RBFOX1: variants seen among roughly 807,000 people sequenced by gnomAD.
RBFOX1 encodes RNA binding fox-1 homolog 1.
In RBFOX1, 8 loss-of-function variants were observed where a neutral mutation model predicts 57.7. That is an observed-to-expected ratio of 0.14 (90% CI 0.08 to 0.25). The LOEUF is 0.25. Among genes scored for constraint, RBFOX1 ranks in the 10% least tolerant of loss-of-function variants. The probability of loss-of-function intolerance (pLI) is 1.00; values close to 1 mark genes in which losing one functional copy is unlikely to be tolerated. For missense variants in RBFOX1, 611 were observed against 548.5 expected, an observed-to-expected ratio of 1.11 and a Z score of -1.14; for synonymous variants, 326 against 222.4, an observed-to-expected ratio of 1.47 and a Z score of -4.15.
rs186123963 is a variant in RBFOX1 at position 6,533,356 on chromosome 16, G to A, written c.-63-121247G>A. Among the ~76,000 whole-genome samples the A allele has an allele frequency of 8.5e-5, 13 of 152,296 alleles. No homozygotes were observed. In the East Asian group the frequency reaches 2.3e-3, roughly 27 times the overall value. On this transcript the variant is annotated intron_variant, in intron 2 of 15. Transcript: ENST00000550418. ...CCTGGCTCAGAAAATAGACAAAAGG[G>A]ATGAAGGTACCATTAGGATCCCTGG...
chr16:7,523,616 A>G (rs1478841335), intron 5 of RBFOX1, among the ~76,000 whole-genome samples: 1 of 152,158 alleles, frequency 6.6e-6, no homozygotes, highest in African/African-American at 2.4e-5. Context: ...TAGAGGTAGG[A>G]TTTTAAAGGA....
chr16:6,977,205 A>T (rs2087242814), intron 3 of RBFOX1, among the ~76,000 whole-genome samples: 1 of 118,182 alleles, frequency 8.5e-6, no homozygotes. Flanking sequence ...TATATGTTTT[A>T]TCATATATAT....
intron 3 of RBFOX1, among the ~76,000 whole-genome samples, chr16:6,738,335 C>T (rs1254007512): frequency 6.6e-6 from 1 of 151,974 alleles, no homozygotes; most frequent in Non-Finnish European, 1.5e-5. Context: ...CTGGAGTACT[C>T]CCTGTATTGA....
At chr16:5,517,935 T>C (rs954304062) in intron 2 of RBFOX1, among the ~76,000 whole-genome samples, 7 of 150,240 alleles carry the variant, frequency 4.7e-5, no homozygotes, top group African/African-American at 1.7e-4. Flanking sequence ...AGCTACTGTG[T>C]GTGTGTGTGT....
chr16:7,309,138 C>T (rs1292653726), intron 4 of RBFOX1, among the ~76,000 whole-genome samples: 2 of 152,202 alleles, frequency 1.3e-5, no homozygotes, highest in Non-Finnish European at 1.5e-5. Context: ...AGAAAGGTCC[C>T]TCAGTCTCTT....
In RBFOX1 at chr16:5,412,167, C is replaced by G. The variant is rs567924517; in HGVS notation, c.220-55049C>G. Among the ~76,000 whole-genome samples the G allele has an allele frequency of 2.6e-4, 39 of 152,098 alleles. 1 individual carries two copies. Among genetic ancestry groups the G allele is most frequent in the Admixed American group, 2.3e-3 (35 of 15,286 alleles). ...CAAACGCCCAGGTTCTGGACCCACA[C>G]AGACCTGGGTTTGAACCCTGGCCAG... On this transcript the variant is annotated intron_variant, in intron 1 of 2. Coordinates refer to the RBFOX1 transcript ENST00000585867.
At chr16:6,839,907 T>C (rs192299318) in intron 3 of RBFOX1, among the ~76,000 whole-genome samples, 1 of 152,324 alleles carries the variant, frequency 6.6e-6, no homozygotes. Flanking sequence ...TTCTTAACTT[T>C]CAATTGCATT....
chr16:5,656,609 T>A (rs1482382542), intron 3 of RBFOX1, among the ~76,000 whole-genome samples: 1 of 152,228 alleles, frequency 6.6e-6, no homozygotes, highest in African/African-American at 2.4e-5. Context: ...TAATTGTTAA[T>A]ATTTTTAGTT....
At chr16:5,255,366 A>C (rs577700357) in intron 1 of RBFOX1, among the ~76,000 whole-genome samples, 114 of 147,474 alleles carry the variant, frequency 7.7e-4, no homozygotes, top group African/African-American at 2.4e-3. Context: ...CCATCCATCC[A>C]TCCATCCATC....
At chr16:5,974,351 G>A (rs150660696) in intron 4 of RBFOX1, among the ~76,000 whole-genome samples, 2 of 152,330 alleles carry the variant, frequency 1.3e-5, no homozygotes, top group East Asian at 3.9e-4. Flanking sequence ...GCTCACACCT[G>A]TAATCCCAGC....
At chr16:5,753,923 G>A (rs11866983) in intron 3 of RBFOX1, among the ~76,000 whole-genome samples, 48,533 of 151,532 alleles carry the variant, frequency 0.32, 8,099 homozygotes, top group East Asian at 0.57. Context: ...ACAGGATTCT[G>A]TGTCCATCCC....
chr16:5,668,204 C>T (rs1048737841), intron 3 of RBFOX1, among the ~76,000 whole-genome samples: 2 of 152,038 alleles, frequency 1.3e-5, no homozygotes, highest in African/African-American at 4.8e-5. Context: ...TTGTTTGAAC[C>T]CGGGAGGCGG....
At chr16:6,583,026 C>G (rs8043913) in intron 2 of RBFOX1, among the ~76,000 whole-genome samples, 1 of 129,092 alleles carries the variant, frequency 7.7e-6, no homozygotes, top group South Asian at 2.4e-4. Flanking sequence ...GTCTCTTGCT[C>G]GATGTCTCTC....
intron 1 of RBFOX1, among the ~76,000 whole-genome samples, chr16:6,299,395 T>C (rs2078527855): frequency 1.3e-5 from 2 of 152,196 alleles, no homozygotes; most frequent in Non-Finnish European, 2.9e-5. Flanking sequence ...AAATAGCGTT[T>C]TGAGATGAGT....
chr16:6,525,718 G>A (rs571145376), intron 2 of RBFOX1, among the ~76,000 whole-genome samples: 1 of 152,038 alleles, frequency 6.6e-6, no homozygotes, highest in Non-Finnish European at 1.5e-5. Context: ...GTGCTTTTAG[G>A]TGGTGGAAAG....
rs542364160 is a variant in RBFOX1 at position 6,457,637 on chromosome 16, G to T, written c.-64+140580G>T. 8.5e-4 allele frequency among the ~76,000 whole-genome samples: 129 copies of T among 152,224 alleles called. 1 individual carries two copies. Among genetic ancestry groups the T allele is most frequent in the Non-Finnish European group, 6.3e-4 (43 of 68,016 alleles). On this transcript the variant is annotated intron_variant, in intron 2 of 15. Coordinates refer to ENST00000550418, the MANE Select transcript of RBFOX1 (RefSeq NM_018723.4). ...TCGAAGACCTCCCAATTAAGGACCC[G>T]TTTTATGAGCATAGTTGAAATCCTG...
rs150991378 is a variant in RBFOX1 at position 7,305,266 on chromosome 16, T to G, written c.28-212881T>G. ...TACTCTCTGTCTTTCTCAGGGTGTT[T>G]CCTTGGGACCCTCTCTGCTCTGTCA... On this transcript the variant is annotated intron_variant, in intron 4 of 15. Coordinates refer to ENST00000550418, the MANE Select transcript of RBFOX1 (RefSeq NM_018723.4). Among the ~76,000 whole-genome samples the G allele has an allele frequency of 1.5e-3, 223 of 152,220 alleles. 1 individual carries two copies. Among genetic ancestry groups the G allele is most frequent in the African/African-American group, 5.1e-3 (211 of 41,534 alleles).
intron 4 of RBFOX1, among the ~76,000 whole-genome samples, chr16:7,486,524 A>G (rs958300611): frequency 2.8e-4 from 42 of 152,102 alleles, no homozygotes; most frequent in African/African-American, 7.2e-5. Flanking sequence ...TTATGTCTAC[A>G]TCCATAACTT....
chr16:7,635,069 A>G (rs905721422), intron 11 of RBFOX1, among the ~76,000 whole-genome samples: 1 of 152,206 alleles, frequency 6.6e-6, no homozygotes, highest in African/African-American at 2.4e-5. Context: ...TTGAGGGGAA[A>G]GGTACTAGGT....
Sources: gnomAD v4.1 joint callset for allele counts (sites outside exome capture counted in the v4.1 genomes callset) on GRCh38, gnomAD v4.1.1 for gene constraint, MANE v1.5 for transcripts, NCBI Gene and HGNC (gene_info 2026-07-23, HGNC 2026-07-21) for gene names.